The following RIMS2 variants were observed in gnomAD, a reference collection of about 807,000 sequenced individuals.
The protein encoded by RIMS2 is regulating synaptic membrane exocytosis protein 2.
RIMS2 carries 59 observed loss-of-function variants against 174.4 expected under a neutral mutation model. The observed-to-expected ratio is 0.34, with a 90% confidence interval of 0.27 to 0.42. The LOEUF (loss-of-function observed/expected upper bound fraction) is 0.42, where lower values mean the gene tolerates loss of function less well. RIMS2 is among the 10% of genes least tolerant of loss of function. The pLI, the probability that RIMS2 is intolerant of heterozygous loss-of-function variation, is 1.00. For synonymous variants in RIMS2, 606 were observed against 572.5 expected (o/e 1.06, Z -0.84); for missense variants, 1,620 against 1,666.3 (o/e 0.97, Z 0.48).
intron 19 of RIMS2, among the ~76,000 whole-genome samples, chr8:104,120,088 C>A (rs2098348442): frequency 6.6e-6 from 1 of 152,150 alleles, no homozygotes; most frequent in African/African-American, 2.4e-5. Context: ...TCTGTGAAAT[C>A]TGGGGCAAGT....
At position 104,018,866 on chromosome 8, in the gene RIMS2, T is replaced by C. The variant is rs79371894; in HGVS notation, c.3334+4251T>C. The stretch of plus-strand genomic sequence containing the variant: ...CAGTTCAATATTACTCTAACATTTA[T>C]TGTCAATCATAATTTCTCCCCATCT... On this transcript the variant is annotated intron_variant, in intron 19 of 23. Transcript: ENST00000504942. Among the ~76,000 whole-genome samples the C allele has an allele frequency of 1.3e-3, 193 of 152,334 alleles. 8 individuals carry two copies. In the East Asian group the frequency reaches 0.035, roughly 27 times the overall value.
rs571225299 is a variant in RIMS2, at chr8:104,225,340, A to C, written c.3335-19576A>C. ...AACACAACCTATTCATTCAGCTCCC[A>C]AGCTATACTAGATTATTATTTTCTT... is the stretch of plus-strand genomic sequence containing the variant. On this transcript the variant is annotated intron_variant, in intron 19 of 23. Coordinates refer to ENST00000504942, the Ensembl canonical transcript of RIMS2. 2.6e-5 allele frequency among the ~76,000 whole-genome samples: 4 copies of C among 152,286 alleles called. No individual in the cohort carries two copies. The South Asian group carries it at 8.3e-4, about 32-fold the overall frequency.
rs774140573 is a variant in RIMS2, at chr8:104,251,608, G to C, written c.3838G>C (p.Val1280Leu). The change falls in exon 24 of 24, where the codon GTC becomes CTC. Residue 1280 changes from valine to leucine, a missense_variant. Coordinates refer to ENST00000504942, the Ensembl canonical transcript of RIMS2. Reference sequence around the variant, plus strand: ...CTTTTTATTTTGCCAACAGATCATCGTCTGGGGAGATTATGGCCGCATGGA... The same window carrying C: ...CTTTTTATTTTGCCAACAGATCATCCTCTGGGGAGATTATGGCCGCATGGA... 3 of 1,587,068 alleles carry C rather than the reference G, an allele frequency of 1.9e-6. No individual in the cohort carries two copies. The African/African-American group carries it at 4.0e-5, about 21-fold the overall frequency.
At chr8:104,249,843 C>T (rs2099353316) in intron 22 of RIMS2, among the ~76,000 whole-genome samples, 2 of 152,080 alleles carry the variant, frequency 1.3e-5, no homozygotes, top group South Asian at 4.2e-4. Flanking sequence ...AAAAACCACC[C>T]CACTTAGATC....
intron 1 of RIMS2, among the ~76,000 whole-genome samples, chr8:103,582,247 T>C (rs1335492705): frequency 6.6e-6 from 1 of 152,146 alleles, no homozygotes; most frequent in Non-Finnish European, 1.5e-5. Flanking sequence ...CACCTGCTAA[T>C]TGAAGAGGCC....
At chr8:104,091,161 A>G (rs1566311677) in intron 19 of RIMS2, among the ~76,000 whole-genome samples, 2 of 151,844 alleles carry the variant, frequency 1.3e-5, no homozygotes, top group African/African-American at 4.8e-5. Context: ...CTAATAATCT[A>G]TGTAGCCAGA....
chr8:103,561,307 A>G (rs891919936), intron 1 of RIMS2, among the ~76,000 whole-genome samples: 1 of 152,198 alleles, frequency 6.6e-6, no homozygotes, highest in Non-Finnish European at 1.5e-5. Flanking sequence ...CCAAATGACT[A>G]TATATTTGAA....
intron 19 of RIMS2, among the ~76,000 whole-genome samples, chr8:104,225,538 T>C (rs1386719870): frequency 6.6e-6 from 1 of 152,236 alleles, no homozygotes; most frequent in Non-Finnish European, 1.5e-5. Context: ...ATCATCCTTT[T>C]TCTTTAAATT....
rs368258253 is a variant in RIMS2, at chr8:104,062,769, AAT to A, written c.3334+48157_3334+48158del. Among the ~76,000 whole-genome samples the A allele has an allele frequency of 8.1e-4, 123 of 152,082 alleles. 1 individual carries two copies. The East Asian group carries it at 0.017, about 21-fold the overall frequency. On this transcript the variant is annotated intron_variant, in intron 19 of 23. Transcript: ENST00000504942. ...GGCTTTTTTAGTTTTGTTCATTTTA[AAT>A]ATGTTATTTCTGTCATTCTCATTAT... is the stretch of plus-strand genomic sequence containing the variant.
intron 3 of RIMS2, chr8:103,768,302 C>T: frequency 1.6e-6 from 1 of 626,864 alleles, no homozygotes; most frequent in Non-Finnish European, 2.9e-6. Flanking sequence ...CATCTCTTTC[C>T]CAGCCACTGG....
At chr8:103,676,290 C>G (rs1186826562) in intron 1 of RIMS2, among the ~76,000 whole-genome samples, 2 of 151,992 alleles carry the variant, frequency 1.3e-5, no homozygotes, top group Non-Finnish European at 2.9e-5. Context: ...CAATTTAGTT[C>G]AATAGGTGGT....
At chr8:103,510,977 AT>A (rs986769815) in intron 1 of RIMS2, among the ~76,000 whole-genome samples, 1 of 152,122 alleles carries the variant, frequency 6.6e-6, no homozygotes, top group Non-Finnish European at 1.5e-5. Flanking sequence ...AACTATTCTT[AT>A]TTTTTAAAAA....
At chr8:103,952,507 G>T (rs2085733297) in intron 14 of RIMS2, among the ~76,000 whole-genome samples, 1 of 152,180 alleles carries the variant, frequency 6.6e-6, no homozygotes, top group South Asian at 2.1e-4. Flanking sequence ...CAGCAGACCT[G>T]CAGCAGAGGA....
chr8:103,711,628 C>G (rs1209906105), intron 2 of RIMS2, among the ~76,000 whole-genome samples: 1 of 152,090 alleles, frequency 6.6e-6, no homozygotes, highest in Non-Finnish European at 1.5e-5. Context: ...GGTGCGGTGG[C>G]TCAACCCTGT....
At position 104,136,475 on chromosome 8, in the gene RIMS2, C is replaced by T. The variant is rs1298645939; in HGVS notation, c.3335-108441C>T. ...TTTCATTTATGCCAAAAGTGTATAA[C>T]TTTCAATTTAGTGCCAACCATAATA... On this transcript the variant is annotated intron_variant, in intron 19 of 23. Coordinates refer to ENST00000504942, the Ensembl canonical transcript of RIMS2. Among the ~76,000 whole-genome samples, 3 of 152,148 alleles carry T rather than the reference C, an allele frequency of 2.0e-5. No homozygotes were observed. The East Asian group carries it at 5.8e-4, about 29-fold the overall frequency.
At chr8:103,688,217 T>C (rs1300801376) in intron 1 of RIMS2, among the ~76,000 whole-genome samples, 3 of 152,078 alleles carry the variant, frequency 2.0e-5, no homozygotes, top group Non-Finnish European at 4.4e-5. Context: ...TTGAGTATGA[T>C]GTTAGCTGTG....
At chr8:103,994,040 G>A (rs2094905766) in intron 17 of RIMS2, among the ~76,000 whole-genome samples, 1 of 119,552 alleles carries the variant, frequency 8.4e-6, no homozygotes, top group African/African-American at 3.2e-5. Context: ...GACAGAGCAA[G>A]ACCCTGTCTC....
chr8:103,560,356 G>A (rs1225517521), intron 1 of RIMS2, among the ~76,000 whole-genome samples: 1 of 152,016 alleles, frequency 6.6e-6, no homozygotes, highest in Non-Finnish European at 1.5e-5. Context: ...CAGCCTGGGT[G>A]ACAAGAGCGA....
At chr8:103,899,567 G>A (rs979749759) in intron 4 of RIMS2, among the ~76,000 whole-genome samples, 2 of 151,110 alleles carry the variant, frequency 1.3e-5, no homozygotes. Flanking sequence ...TGTTGATGGG[G>A]TGGTTTTTTT....
Sources: gnomAD v4.1 joint callset for allele counts (sites outside exome capture counted in the v4.1 genomes callset) on GRCh38, gnomAD v4.1.1 for gene constraint, MANE v1.5 for transcripts, NCBI Gene and HGNC (gene_info 2026-07-23, HGNC 2026-07-21) for gene names.